SLC44A5: variants seen among roughly 807,000 people sequenced by gnomAD.
The protein encoded by SLC44A5 is choline transporter-like protein 5.
A neutral mutation model predicts 101.8 loss-of-function variants in SLC44A5; 57 were observed. The ratio of observed to expected loss-of-function variants is 0.56; its 90% CI spans 0.45 to 0.70. The LOEUF (loss-of-function observed/expected upper bound fraction) is 0.70, where lower values mean the gene tolerates loss of function less well. Ranked by LOEUF, SLC44A5 falls within the 30% of genes least tolerant of loss-of-function variation. The pLI, the probability that SLC44A5 is intolerant of heterozygous loss-of-function variation, is 0.00. For missense variants in SLC44A5, 737 were observed against 853.1 expected, an observed-to-expected ratio of 0.86 and a Z score of 1.70; for synonymous variants, 281 against 290.9, an observed-to-expected ratio of 0.97 and a Z score of 0.35.
Position 75,274,955 on chromosome 1 carries a change from C to T in SLC44A5, c.260+3G>A. 2 of 1,610,578 alleles carry T rather than the reference C, an allele frequency of 1.2e-6. No individual in the cohort carries two copies. The highest frequency in any genetic ancestry group is 1.7e-6 in the Non-Finnish European group (2 of 1,177,920). ...CACACAAAGCAAAGGTGGCCATACT[C>T]ACTCATTGGGAGTGCCCTTCTGGCC... is the stretch of plus-strand genomic sequence containing the variant. On this transcript the variant is annotated splice_donor_region_variant and intron_variant, in intron 6 of 23. Coordinates refer to ENST00000370859, the MANE Select transcript of SLC44A5 (RefSeq NM_001130058.2).
At position 75,209,573 on chromosome 1, in the gene SLC44A5, A is replaced by G. The variant is rs556863931; in HGVS notation, c.2047+1895T>C. 1.7e-3 allele frequency among the ~76,000 whole-genome samples: 263 copies of G among 152,324 alleles called. 3 individuals carry two copies. Among genetic ancestry groups the G allele is most frequent in the African/African-American group, 6.1e-3 (253 of 41,592 alleles). The stretch of plus-strand genomic sequence containing the variant: ...AACATTAAACATTTCATTTCCATTT[A>G]CAACCAGAGGAAGAGCTAACTAGTA... On this transcript the variant is annotated intron_variant, in intron 23 of 23. Coordinates refer to ENST00000370859, the MANE Select transcript of SLC44A5 (RefSeq NM_001130058.2).
chr1:75,219,719 A>G, intron 15 of SLC44A5, 81 bp downstream of exon 15: 1 of 897,814 alleles, frequency 1.1e-6, no homozygotes, highest in Non-Finnish European at 1.8e-6. Flanking sequence ...TCCCAGGGAT[A>G]GAAAACACTG....
intron 2 of SLC44A5, among the ~76,000 whole-genome samples, chr1:75,486,660 CA>C (rs140745662): frequency 6.6e-6 from 1 of 152,102 alleles, no homozygotes; most frequent in African/African-American, 2.4e-5. Context: ...TTGGCCAAAA[CA>C]AAGAGGCCAC....
intron 2 of SLC44A5, among the ~76,000 whole-genome samples, chr1:75,501,448 A>G (rs574642099): frequency 2.6e-5 from 4 of 152,324 alleles, no homozygotes; most frequent in East Asian, 3.9e-4. Context: ...GCACAAAACT[A>G]AAGATAGCAG....
chr1:75,307,546 T>C (rs777706144), intron 4 of SLC44A5, among the ~76,000 whole-genome samples: 6 of 152,232 alleles, frequency 3.9e-5, no homozygotes, highest in Non-Finnish European at 7.3e-5. Context: ...TCAGCTGGAC[T>C]CTATTTTGAA....
chr1:75,213,670 T>C, intron 22 of SLC44A5, 35 bp downstream of exon 22: 1 of 1,379,214 alleles, frequency 7.3e-7, no homozygotes, highest in Non-Finnish European at 1.0e-6. Flanking sequence ...ATTTTTATTA[T>C]AGCAGCCTGT....
chr1:75,397,865 T>G (rs1239446386), intron 2 of SLC44A5, among the ~76,000 whole-genome samples: 1 of 152,102 alleles, frequency 6.6e-6, no homozygotes, highest in Non-Finnish European at 1.5e-5. Context: ...ACTCATAACA[T>G]TTTCAGGATA....
rs191648713 is a variant in SLC44A5, at chr1:75,437,303, A to T, written c.14-40682T>A. On this transcript the variant is annotated intron_variant, in intron 2 of 23. Coordinates refer to ENST00000370859, the MANE Select transcript of SLC44A5 (RefSeq NM_001130058.2). Reference sequence around the variant, plus strand: ...GCATCAACTCAACTACAATATTACAATGGCTATGATATCACTAGGTGATAG... The same window carrying T: ...GCATCAACTCAACTACAATATTACATTGGCTATGATATCACTAGGTGATAG... 4.0e-3 allele frequency among the ~76,000 whole-genome samples: 609 copies of T among 152,208 alleles called. 5 individuals carry two copies. The highest frequency in any genetic ancestry group is 0.014 in the African/African-American group (585 of 41,548).
intron 3 of SLC44A5, among the ~76,000 whole-genome samples, chr1:75,390,442 C>T (rs1237516589): frequency 6.6e-6 from 1 of 150,854 alleles, no homozygotes; most frequent in Admixed American, 6.6e-5. Context: ...AAATCAAATC[C>T]AGCAGCACAT....
At chr1:75,530,011 T>C (rs1391757873) in intron 2 of SLC44A5, among the ~76,000 whole-genome samples, 1 of 152,154 alleles carries the variant, frequency 6.6e-6, no homozygotes. Flanking sequence ...CTTTAAAAAT[T>C]ATGTGAATAT....
At chr1:75,719,808 ATC>A in the SLC44A5 span, among the ~76,000 whole-genome samples, 2 of 152,178 alleles carry the variant, frequency 1.3e-5, no homozygotes, top group African/African-American at 4.8e-5. Flanking sequence ...AAGCCTGTCA[ATC>A]TCCCTTGTTT....
chr1:75,556,111 A>T (rs911377837), intron 1 of SLC44A5, among the ~76,000 whole-genome samples: 3 of 152,082 alleles, frequency 2.0e-5, no homozygotes, highest in Non-Finnish European at 4.4e-5. Flanking sequence ...AGGAGAATGA[A>T]GAAGTCATCA....
At chr1:75,388,227 T>TAAATAAATAAAA (rs1661524282) in intron 3 of SLC44A5, among the ~76,000 whole-genome samples, 1 of 114,382 alleles carries the variant, frequency 8.7e-6, no homozygotes, top group Non-Finnish European at 1.9e-5. Context: ...AATAAATAAA[T>TAAATAAATAAAA]AAATAAATCC....
At chr1:75,242,154 A>C (rs535129200) in intron 8 of SLC44A5, 93 bp from the exon 9 acceptor site, 1 of 861,420 alleles carries the variant, frequency 1.2e-6, no homozygotes, top group East Asian at 2.6e-5. Context: ...ATTTAACTCC[A>C]TAATAATCTC....
chr1:75,484,792 A>C (rs1476205649), intron 2 of SLC44A5, among the ~76,000 whole-genome samples: 3 of 152,144 alleles, frequency 2.0e-5, no homozygotes, highest in South Asian at 2.1e-4. Context: ...CCAAAGCTCA[A>C]CTCTTGCCTT....
At chr1:75,555,793 A>G (rs571677009) in intron 1 of SLC44A5, among the ~76,000 whole-genome samples, 18 of 152,282 alleles carry the variant, frequency 1.2e-4, no homozygotes, top group South Asian at 6.2e-4. Context: ...CAGATACTTC[A>G]TGTAATAAAA....
chr1:75,558,857 CTT>C (rs1477027212), intron 1 of SLC44A5, among the ~76,000 whole-genome samples: 2 of 152,054 alleles, frequency 1.3e-5, no homozygotes, highest in Non-Finnish European at 2.9e-5. Context: ...GGTAAAATAA[CTT>C]ATTATAATTA....
At chr1:75,705,192 A>T in the SLC44A5 span, among the ~76,000 whole-genome samples, 2 of 152,212 alleles carry the variant, frequency 1.3e-5, no homozygotes, top group Non-Finnish European at 2.9e-5. Context: ...CTTAGTCATG[A>T]TATGTTCACA....
intron 5 of SLC44A5, among the ~76,000 whole-genome samples, chr1:75,279,913 T>G (rs1282507456): frequency 6.6e-6 from 1 of 151,710 alleles, no homozygotes; most frequent in Admixed American, 6.6e-5. Context: ...TCCCACTTTT[T>G]CCCTAGAGTC....
Sources: allele counts gnomAD v4.1 joint callset (sites outside exome capture counted in the v4.1 genomes callset), GRCh38; gene constraint gnomAD v4.1.1; transcripts MANE v1.5; gene names NCBI Gene and HGNC (gene_info 2026-07-23, HGNC 2026-07-21).